BRINP1: variants seen among roughly 807,000 people sequenced by gnomAD.
BRINP1 encodes BMP/retinoic acid inducible neural specific 1.
Under a neutral mutation model 72.9 loss-of-function variants are expected in BRINP1, and 17 were observed. That is an observed-to-expected ratio of 0.23 (90% CI 0.16 to 0.35). The LOEUF (loss-of-function observed/expected upper bound fraction) is 0.35. Among genes scored for constraint, BRINP1 ranks in the 10% least tolerant of loss-of-function variants. The probability of loss-of-function intolerance (pLI) is 1.00; values close to 1 mark genes in which losing one functional copy is unlikely to be tolerated. For missense variants in BRINP1, 850 were observed against 1,001.6 expected (o/e 0.85, Z 2.04); for synonymous variants, 418 against 378.5 (o/e 1.10, Z -1.21).
chr9:119,172,714 T>G (rs1012691546), intron 7 of BRINP1, among the ~76,000 whole-genome samples: 1 of 151,880 alleles, frequency 6.6e-6, no homozygotes, highest in Admixed American at 6.6e-5. Flanking sequence ...TTGATGAACA[T>G]TGATGCAAAA....
Position 119,249,002 on chromosome 9 carries a change from T to G in BRINP1, c.367A>C (p.Lys123Gln). ...ATGAGCAGGTGGGTGCCGTACTTTTTGATGATGGTATCGATGAACTGCTGA... is the reference window on the plus strand; with the variant it reads ...ATGAGCAGGTGGGTGCCGTACTTTTGGATGATGGTATCGATGAACTGCTGA... ...TTQQFIDTII[K>Q]KYGTHLLISA... The change falls in exon 3 of 8, where the codon AAA (lysine) becomes CAA (glutamine). Residue 123 changes from lysine (K) to glutamine (Q), a missense_variant. Coordinates refer to ENST00000265922, the MANE Select transcript of BRINP1 (RefSeq NM_014618.3). 1 of 1,614,048 alleles carries G rather than the reference T, an allele frequency of 6.2e-7. No individual in the cohort carries two copies. Among genetic ancestry groups the G allele is most frequent in the Non-Finnish European group, 8.5e-7 (1 of 1,179,960 alleles).
chr9:119,258,849 T>C (rs1392571645), intron 2 of BRINP1, among the ~76,000 whole-genome samples: 1 of 152,118 alleles, frequency 6.6e-6, no homozygotes, highest in Non-Finnish European at 1.5e-5. Flanking sequence ...CCATCACAAG[T>C]GGAGGAAACC....
At chr9:119,246,792 A>G (rs921089044) in intron 3 of BRINP1, among the ~76,000 whole-genome samples, 4 of 152,230 alleles carry the variant, frequency 2.6e-5, no homozygotes, top group African/African-American at 9.6e-5. Flanking sequence ...TGATGTAAGA[A>G]GAGCTTTGCA....
intron 1 of BRINP1, among the ~76,000 whole-genome samples, chr9:119,321,666 A>T (rs957597394): frequency 2.6e-5 from 4 of 151,742 alleles, no homozygotes. Flanking sequence ...GTAGAGACTA[A>T]TTTTATTATT....
chr9:119,303,380 C>T (rs1331851179), intron 2 of BRINP1, among the ~76,000 whole-genome samples: 1 of 151,552 alleles, frequency 6.6e-6, no homozygotes, highest in Non-Finnish European at 1.5e-5. Context: ...GAAGCAATCC[C>T]TGAGGGACAA....
At position 119,284,472 on chromosome 9, in the gene BRINP1, T is replaced by TG. The variant is rs34743916; in HGVS notation, c.218+28665dup. 4.4e-3 allele frequency among the ~76,000 whole-genome samples: 675 copies of TG among 152,196 alleles called. 3 individuals carry two copies. Among genetic ancestry groups the TG allele is most frequent in the Admixed American group, 0.011 (161 of 15,284 alleles). ...TTAAAAATGGATATAGTCTCACTTT[T>TG]GGGGGGGTGGTTGTAAGGCTCAAAT... On this transcript the variant is annotated intron_variant, in intron 2 of 7. Transcript: ENST00000265922.
At chr9:119,277,440 T>C (rs1004879901) in intron 2 of BRINP1, among the ~76,000 whole-genome samples, 3 of 152,158 alleles carry the variant, frequency 2.0e-5, no homozygotes, top group Non-Finnish European at 2.9e-5. Context: ...GGTAGCTTGA[T>C]GGTGAGGATG....
intron 2 of BRINP1, among the ~76,000 whole-genome samples, chr9:119,285,833 G>C (rs746852228): frequency 1.2e-4 from 18 of 151,942 alleles, no homozygotes; most frequent in Non-Finnish European, 1.9e-4. Flanking sequence ...ACTCCAGCGG[G>C]GCTCTTTTCC....
At chr9:119,268,554 T>G (rs1349509171) in intron 2 of BRINP1, among the ~76,000 whole-genome samples, 1 of 152,182 alleles carries the variant, frequency 6.6e-6, no homozygotes, top group Non-Finnish European at 1.5e-5. Flanking sequence ...AGAGAAGCAG[T>G]CTTTGGCCAC....
rs181128414 is a variant in BRINP1, at chr9:119,299,621, A to G, written c.218+13517T>C. On this transcript the variant is annotated intron_variant, in intron 2 of 7. Transcript: ENST00000265922. ...CGGCGAGACTCCGTCTCAAAAAAAA[A>G]AAAAAAAAAAGTGAGTACATGTGGT... Among the ~76,000 whole-genome samples, 63 of 152,204 alleles carry G rather than the reference A, an allele frequency of 4.1e-4. No individual in the cohort carries two copies. The East Asian group carries it at 0.012, about 28-fold the overall frequency.
chr9:119,350,480 T>C (rs891919508), intron 1 of BRINP1, among the ~76,000 whole-genome samples: 2 of 152,158 alleles, frequency 1.3e-5, no homozygotes, highest in Non-Finnish European at 2.9e-5. Flanking sequence ...CAGTTCACAT[T>C]CCCCTGGTCC....
intron 7 of BRINP1, among the ~76,000 whole-genome samples, chr9:119,175,286 CTG>C (rs1166289636): frequency 6.6e-6 from 1 of 151,798 alleles, no homozygotes; most frequent in Non-Finnish European, 1.5e-5. Context: ...AAACAAAACA[CTG>C]TATGTTCTCA....
At chr9:119,226,214 A>G (rs1457863217) in intron 5 of BRINP1, among the ~76,000 whole-genome samples, 1 of 152,052 alleles carries the variant, frequency 6.6e-6, no homozygotes, top group Non-Finnish European at 1.5e-5. Flanking sequence ...TGGCCCAATC[A>G]TCTTAAAAAA....
At chr9:119,297,009 TAA>T (rs1389105649) in intron 2 of BRINP1, among the ~76,000 whole-genome samples, 17 of 152,310 alleles carry the variant, frequency 1.1e-4, no homozygotes, top group East Asian at 1.9e-4. Context: ...AGAATAATCT[TAA>T]GTGTTCTCAT....
In BRINP1 at chr9:119,297,364, C is replaced by T. The variant is rs535453654; in HGVS notation, c.218+15774G>A. Reference sequence around the variant, plus strand: ...GGCTGCGCTCCCTTCACCTTCTCAGCGCCCTGTATAGCCAGTGGTAACGAG... The same window carrying T: ...GGCTGCGCTCCCTTCACCTTCTCAGTGCCCTGTATAGCCAGTGGTAACGAG... On this transcript the variant is annotated intron_variant, in intron 2 of 7. Coordinates refer to ENST00000265922, the MANE Select transcript of BRINP1 (RefSeq NM_014618.3). Among the ~76,000 whole-genome samples the T allele has an allele frequency of 3.7e-4, 56 of 152,176 alleles. 1 individual carries two copies. The South Asian group carries it at 0.01, about 28-fold the overall frequency.
At chr9:119,359,979 G>GT (rs1831611907) in intron 1 of BRINP1, among the ~76,000 whole-genome samples, 2 of 151,978 alleles carry the variant, frequency 1.3e-5, no homozygotes, top group Admixed American at 6.6e-5. Flanking sequence ...CTGCCTACAT[G>GT]TATCATTCCC....
chr9:119,238,587 C>T (rs1419248591), intron 5 of BRINP1, 68 bp downstream of exon 5: 1 of 914,096 alleles, frequency 1.1e-6, no homozygotes, highest in Admixed American at 2.2e-5. Flanking sequence ...CCTCCTGATC[C>T]CCTCTCCCAC....
intron 7 of BRINP1, among the ~76,000 whole-genome samples, chr9:119,185,833 C>A (rs775107776): frequency 5.9e-5 from 9 of 152,182 alleles, no homozygotes; most frequent in Non-Finnish European, 1.2e-4. Context: ...CACGTTGTAT[C>A]CCACTCCCGA....
chr9:119,318,888 G>T, intron 1 of BRINP1, among the ~76,000 whole-genome samples: 1 of 139,466 alleles, frequency 7.2e-6, no homozygotes, highest in African/African-American at 2.8e-5. Context: ...TGTGTGTGCA[G>T]GAGAGTGAGA....
Sources: gnomAD v4.1 joint callset for allele counts (sites outside exome capture counted in the v4.1 genomes callset) on GRCh38, gnomAD v4.1.1 for gene constraint, MANE v1.5 for transcripts, NCBI Gene and HGNC (gene_info 2026-07-23, HGNC 2026-07-21) for gene names.